IQSEC1: variants seen among roughly 807,000 people sequenced by gnomAD.
IQSEC1 encodes IQ motif and Sec7 domain ArfGEF 1, also known as IQ motif and SEC7 domain-containing protein 1.
In IQSEC1, 31 loss-of-function variants were observed where a neutral mutation model predicts 91.0. The observed-to-expected ratio is 0.34, with a 90% CI of 0.26 to 0.46. The LOEUF (loss-of-function observed/expected upper bound fraction) is 0.46. IQSEC1 is among the 20% of genes least tolerant of loss of function. The pLI is 1.00. For missense variants in IQSEC1, 1,388 were observed against 1,575.6 expected, an observed-to-expected ratio of 0.88 and a Z score of 2.02; for synonymous variants, 699 against 662.6, an observed-to-expected ratio of 1.05 and a Z score of -0.84.
At position 12,900,714 on chromosome 3, in the gene IQSEC1, C is replaced by G. The variant is rs770639912; in HGVS notation, c.*269G>C. 94 of 1,385,356 alleles carry G rather than the reference C, an allele frequency of 6.8e-5. No homozygotes were observed. Among genetic ancestry groups the G allele is most frequent in the Non-Finnish European group, 7.7e-5 (82 of 1,070,622 alleles). The allele number at this position is 1,385,356 out of a possible 1,614,324, so 85.8% of individuals were successfully genotyped here. On this transcript the variant is annotated 3_prime_UTR_variant, in exon 14 of 14. Transcript: ENST00000613206. ...AGTTCAACACTACTTGGCTGGCTCACCGTTTCAAGGCTGATGGTGTCTGAG... is the reference window on the plus strand; with the variant it reads ...AGTTCAACACTACTTGGCTGGCTCAGCGTTTCAAGGCTGATGGTGTCTGAG...
intron 1 of IQSEC1, among the ~76,000 whole-genome samples, chr3:13,179,933 C>T (rs1424021635): frequency 6.6e-6 from 1 of 152,250 alleles, no homozygotes; most frequent in Non-Finnish European, 1.5e-5. Context: ...CTCGCTGGGC[C>T]TTAGCTGCCT....
chr3:13,033,939 C>T (rs527244739), intron 1 of IQSEC1, among the ~76,000 whole-genome samples: 1 of 152,286 alleles, frequency 6.6e-6, no homozygotes, highest in African/African-American at 2.4e-5. Context: ...GGCAAGGTGA[C>T]ACATGAGATG....
chr3:13,244,394 A>T (rs1695073556), intron 1 of IQSEC1, among the ~76,000 whole-genome samples: 1 of 152,214 alleles, frequency 6.6e-6, no homozygotes, highest in African/African-American at 2.4e-5. Context: ...GTGCAGAAAC[A>T]GCTGAAATTA....
chr3:13,078,067 C>T (rs766221407), upstream of IQSEC1, among the ~76,000 whole-genome samples: 155 of 152,190 alleles, frequency 1.0e-3, no homozygotes, highest in Non-Finnish European at 1.7e-3. Context: ...TGTGGCCCTG[C>T]AGACACTCCC....
At chr3:13,066,542 G>A (rs1404269601) in intron 1 of IQSEC1, among the ~76,000 whole-genome samples, 1 of 152,286 alleles carries the variant, frequency 6.6e-6, no homozygotes, top group East Asian at 1.9e-4. Context: ...AGAGGAGCCA[G>A]CATGGGCAAG....
chr3:13,184,687 C>T (rs1225029712), intron 1 of IQSEC1, among the ~76,000 whole-genome samples: 1 of 152,234 alleles, frequency 6.6e-6, no homozygotes, highest in Non-Finnish European at 1.5e-5. Flanking sequence ...AGGATTCTCT[C>T]AGTAAACATC....
chr3:13,136,886 C>T (rs891824921), intron 2 of IQSEC1, among the ~76,000 whole-genome samples: 1 of 152,188 alleles, frequency 6.6e-6, no homozygotes, highest in Non-Finnish European at 1.5e-5. Flanking sequence ...TCTGTAATCC[C>T]AGCACTCTGG....
At chr3:13,072,967 G>GA in intron 1 of IQSEC1, 25 bp downstream of exon 1, 1 of 1,549,510 alleles carries the variant, frequency 6.5e-7, no homozygotes, top group Non-Finnish European at 8.7e-7. Context: ...CTGGCTTCAG[G>GA]CAGAAACCTG....
At chr3:13,273,195 T>C (rs900130176) in intron 1 of IQSEC1, among the ~76,000 whole-genome samples, 32 of 152,318 alleles carry the variant, frequency 2.1e-4, no homozygotes, top group African/African-American at 6.3e-4. Flanking sequence ...TTCAGGCTGC[T>C]GGCCTGGCCC....
chr3:13,274,477 G>A (rs776697329), intron 1 of IQSEC1, among the ~76,000 whole-genome samples: 11 of 152,238 alleles, frequency 7.2e-5, no homozygotes, highest in East Asian at 1.9e-4. Context: ...GGTTCTCCAC[G>A]GGTGTGACGC....
rs1162636985 is a variant in IQSEC1 at position 12,979,880 on chromosome 3, A to G, written c.24-38015T>C. ...CTGAAACCCTGCTTGGTGGGTAACA[A>G]GGATCTAAGAATCCATTTTGCGCAA... is the stretch of plus-strand genomic sequence containing the variant. On this transcript the variant is annotated intron_variant, in intron 1 of 13. Coordinates refer to ENST00000613206, the MANE Select transcript of IQSEC1 (RefSeq NM_001134382.3). The surrounding 1 kb of genome is among the most constrained non-coding windows in gnomAD (Gnocchi z 4.3). Among the ~76,000 whole-genome samples the G allele has an allele frequency of 6.6e-6, 1 of 152,146 alleles. No individual in the cohort carries two copies. The highest frequency in any genetic ancestry group is 6.5e-5 in the Admixed American group (1 of 15,274).
chr3:13,208,565 C>A (rs934907719), intron 1 of IQSEC1, among the ~76,000 whole-genome samples: 1 of 152,202 alleles, frequency 6.6e-6, no homozygotes, highest in African/African-American at 2.4e-5. Flanking sequence ...CCTTGGTCCC[C>A]GATCCCAGCA....
chr3:12,901,704 G>A (rs1694329452), intron 13 of IQSEC1, among the ~76,000 whole-genome samples, 182 bp from the exon 14 acceptor site: 1 of 151,968 alleles, frequency 6.6e-6, no homozygotes, highest in Admixed American at 6.5e-5. Context: ...CTACAGTGCA[G>A]GGCAGCTGGG....
chr3:13,076,986 T>G (rs945252103), upstream of IQSEC1, among the ~76,000 whole-genome samples: 1 of 150,812 alleles, frequency 6.6e-6, no homozygotes, highest in Non-Finnish European at 1.5e-5. Context: ...AAGTATTACA[T>G]AGACCCTAAA....
At chr3:12,917,185 C>T (rs190593902) in intron 6 of IQSEC1, among the ~76,000 whole-genome samples, 7 of 152,326 alleles carry the variant, frequency 4.6e-5, no homozygotes, top group Admixed American at 2.6e-4. Flanking sequence ...TAGCCTTCCA[C>T]GCTGTCGCCA....
chr3:13,089,451 G>T (rs1705799314), intron 2 of IQSEC1, among the ~76,000 whole-genome samples: 1 of 151,946 alleles, frequency 6.6e-6, no homozygotes, highest in Non-Finnish European at 1.5e-5. Context: ...CAGGTGTGGT[G>T]GTGCACACCT....
At chr3:13,239,556 G>A (rs1209352994) in intron 1 of IQSEC1, among the ~76,000 whole-genome samples, 1 of 152,242 alleles carries the variant, frequency 6.6e-6, no homozygotes, top group Non-Finnish European at 1.5e-5. Context: ...GCAACTTGGG[G>A]CAGCGTTCAC....
chr3:13,039,476 G>A (rs9841967), intron 1 of IQSEC1, among the ~76,000 whole-genome samples: 35,029 of 152,182 alleles, frequency 0.23, 4,210 homozygotes, highest in South Asian at 0.36. Context: ...TTTAAACAAC[G>A]GAATATGGCA....
At position 12,909,664 on chromosome 3, in the gene IQSEC1, C is replaced by T. The variant is rs945045332; in HGVS notation, c.2417-230G>A. Among the ~76,000 whole-genome samples, 11 of 152,172 alleles carry T rather than the reference C, an allele frequency of 7.2e-5. No individual in the cohort carries two copies. The highest frequency in any genetic ancestry group is 2.7e-4 in the African/African-American group (11 of 41,434). On this transcript the variant is annotated intron_variant, in intron 10 of 13. Transcript: ENST00000613206. The surrounding 1 kb of genome is among the most constrained non-coding windows in gnomAD (Gnocchi z 4.9). Reference sequence around the variant, plus strand: ...CATGTGACTCAGGGACAAAAGTGGTCGAGCTCAGGGGAGGCTGCTGGGGCC... The same window carrying T: ...CATGTGACTCAGGGACAAAAGTGGTTGAGCTCAGGGGAGGCTGCTGGGGCC...
Sources: allele counts gnomAD v4.1 joint callset (sites outside exome capture counted in the v4.1 genomes callset), GRCh38; gene constraint gnomAD v4.1.1; non-coding constraint Gnocchi (gnomAD v3.1); transcripts MANE v1.5; gene names NCBI Gene and HGNC (gene_info 2026-07-23, HGNC 2026-07-21).